Variants in EIF2S1 observed in about 807,000 individuals in gnomAD.
EIF2S1 encodes eukaryotic translation initiation factor 2 subunit alpha.
Under a neutral mutation model 33.5 loss-of-function variants are expected in EIF2S1, and 5 were observed. The observed-to-expected ratio is 0.15, with a 90% CI of 0.08 to 0.31. EIF2S1 has a LOEUF of 0.31. Among genes scored for constraint, EIF2S1 ranks in the 10% least tolerant of loss-of-function variants. The probability of loss-of-function intolerance (pLI) is 1.00; values close to 1 mark genes in which losing one functional copy is unlikely to be tolerated. For missense variants in EIF2S1, 191 were observed against 384.6 expected, an observed-to-expected ratio of 0.50 and a Z score of 4.21; for synonymous variants, 99 against 127.5, an observed-to-expected ratio of 0.78 and a Z score of 1.51.
intron 2 of EIF2S1, among the ~76,000 whole-genome samples, chr14:67,367,808 C>T (rs1294312453): frequency 6.6e-6 from 1 of 151,482 alleles, no homozygotes; most frequent in Non-Finnish European, 1.5e-5. Flanking sequence ...TGCACTCCAA[C>T]CTGGGTGATA....
chr14:67,377,118 G>A (rs1407279888), intron 4 of EIF2S1, among the ~76,000 whole-genome samples: 1 of 152,044 alleles, frequency 6.6e-6, no homozygotes, highest in Non-Finnish European at 1.5e-5. Context: ...TTTTCTCCCT[G>A]TCTTTTCGCC....
chr14:67,386,170 A>G lies in EIF2S1; in HGVS notation c.*2730A>G, dbSNP rs2085922707. 1 of 152,664 alleles carries G rather than the reference A, an allele frequency of 6.6e-6. No homozygotes were observed. The highest frequency in any genetic ancestry group is 2.1e-4 in the South Asian group (1 of 4,836). 9.5% of individuals were successfully genotyped at this position (152,664 alleles called of 1,614,324 possible). A position where few individuals can be genotyped will look rare whatever the true frequency, so the allele number is the denominator to read the frequency against. ...ATCGATATTCAAAAGGCAAAACAAA[A>G]AAACTAATTCCAGGGACATTAGACC... is the stretch of plus-strand genomic sequence containing the variant. On this transcript the variant is annotated 3_prime_UTR_variant, in exon 8 of 8. Transcript: ENST00000256383.
Position 67,376,600 on chromosome 14 carries a change from C to A in EIF2S1, c.473+10C>A, listed in dbSNP as rs1389310470. The stretch of plus-strand genomic sequence containing the variant: ...TTAAGCATGCAGTCTCGTAAGAATA[C>A]CTTCTTGACTCTCCTTCTACCTTGA... On this transcript the variant is annotated intron_variant, in intron 4 of 7. Transcript: ENST00000256383. The A allele has an allele frequency of 1.9e-6, 3 of 1,611,160 alleles. No individual in the cohort carries two copies. Among genetic ancestry groups the A allele is most frequent in the African/African-American group, 1.3e-5 (1 of 74,960 alleles).
Position 67,381,520 on chromosome 14 carries a change from C to T in EIF2S1, c.581-73C>T, listed in dbSNP as rs1474442676. The T allele has an allele frequency of 2.3e-5, 26 of 1,146,068 alleles. No homozygotes were observed. In the South Asian group the frequency reaches 2.7e-4, roughly 12 times the overall value. 71.0% of individuals were successfully genotyped at this position (1,146,068 alleles called of 1,614,324 possible). On this transcript the variant is annotated intron_variant, in intron 5 of 7. Transcript: ENST00000256383. ...TATTTGAATACTAATATATCTGCCACGTGTTTGATTTCCTTTAAACTTTTA... is the reference window on the plus strand; with the variant it reads ...TATTTGAATACTAATATATCTGCCATGTGTTTGATTTCCTTTAAACTTTTA...
At chr14:67,378,897 GTATCAA>G (rs2085871652) in intron 4 of EIF2S1, among the ~76,000 whole-genome samples, 1 of 152,166 alleles carries the variant, frequency 6.6e-6, no homozygotes, top group Admixed American at 6.5e-5. Flanking sequence ...CTGAAATTAT[GTATCAA>G]TATCATTTGT....
intron 1 of EIF2S1, among the ~76,000 whole-genome samples, chr14:67,361,657 A>C (rs1379417214): frequency 6.6e-6 from 1 of 152,244 alleles, no homozygotes; most frequent in African/African-American, 2.4e-5. Context: ...TTTGTCATGC[A>C]AAATAACTGA....
At chr14:67,375,729 A>G (rs2085854346) in intron 3 of EIF2S1, among the ~76,000 whole-genome samples, 1 of 152,170 alleles carries the variant, frequency 6.6e-6, no homozygotes, top group Non-Finnish European at 1.5e-5. Context: ...CTAGGACCTT[A>G]CCACTTAGAA....
intron 1 of EIF2S1, 29 bp from the exon 2 acceptor site, chr14:67,364,738 C>T (rs776114333): frequency 1.4e-5 from 22 of 1,586,982 alleles, no homozygotes; most frequent in Non-Finnish European, 1.6e-5. Flanking sequence ...TAACTGAATA[C>T]TTACTTAATT....
chr14:67,377,251 A>G (rs546345709), intron 4 of EIF2S1, among the ~76,000 whole-genome samples: 1 of 152,170 alleles, frequency 6.6e-6, no homozygotes, highest in Non-Finnish European at 1.5e-5. Flanking sequence ...CCTTGGATCA[A>G]TGTTCCTGCC....
chr14:67,386,255 A>G lies in EIF2S1; in HGVS notation c.*2815A>G, dbSNP rs1237729036. On this transcript the variant is annotated 3_prime_UTR_variant, in exon 8 of 8. Coordinates refer to ENST00000256383, the MANE Select transcript of EIF2S1 (RefSeq NM_004094.5). ...AAGGTAGTCTCTTACCATATAAGGA[A>G]TAAGTAAAACATTAGCTTGTGATTT... 2 of 152,672 alleles carry G rather than the reference A, an allele frequency of 1.3e-5. No homozygotes were observed. Among genetic ancestry groups the G allele is most frequent in the African/African-American group, 2.4e-5 (1 of 41,464 alleles). The allele number at this position is 152,672 out of a possible 1,614,324, so 9.5% of individuals were successfully genotyped here.
chr14:67,364,673 C>T (rs751882064), intron 1 of EIF2S1, 94 bp from the exon 2 acceptor site: 15 of 1,276,556 alleles, frequency 1.2e-5, no homozygotes, highest in African/African-American at 3.1e-5. Context: ...TTTTTTTCTT[C>T]ATCTTTTCTT....
At chr14:67,373,474 A>G (rs1040904283) in intron 2 of EIF2S1, among the ~76,000 whole-genome samples, 3 of 152,222 alleles carry the variant, frequency 2.0e-5, no homozygotes, top group Non-Finnish European at 2.9e-5. Context: ...AAGTCAGCAA[A>G]CAAGAACTAA....
intron 4 of EIF2S1, among the ~76,000 whole-genome samples, chr14:67,379,654 C>CTTTTTTTTTTTTTTTTTTTTTT (rs541791101): frequency 8.3e-6 from 1 of 119,956 alleles, no homozygotes; most frequent in Non-Finnish European, 1.6e-5. Context: ...TTTTCTTTTT[C>CTTTTTTTTTTTTTTTTTTTTTT]TTTTTTTTTT....
chr14:67,362,630 A>G (rs988757503), intron 1 of EIF2S1, among the ~76,000 whole-genome samples: 2 of 152,158 alleles, frequency 1.3e-5, no homozygotes, highest in Non-Finnish European at 2.9e-5. Context: ...CGAGTTTACT[A>G]TGTTAATTGC....
chr14:67,376,325 A>G, intron 3 of EIF2S1, 114 bp from the exon 4 acceptor site: 7 of 1,038,258 alleles, frequency 6.7e-6, no homozygotes, highest in Non-Finnish European at 9.5e-6. Context: ...CCCTATGGAG[A>G]TCTTTTATTG....
intron 7 of EIF2S1, among the ~76,000 whole-genome samples, chr14:67,382,992 G>GT (rs892529936): frequency 6.6e-5 from 10 of 152,126 alleles, no homozygotes; most frequent in Middle Eastern, 3.4e-3. Flanking sequence ...TGGAAGACAG[G>GT]TTTTTTTAAC....
chr14:67,374,612 A>G, intron 3 of EIF2S1, 65 bp downstream of exon 3: 1 of 1,040,496 alleles, frequency 9.6e-7, no homozygotes, highest in Non-Finnish European at 1.4e-6. Flanking sequence ...TTGAAATCTT[A>G]ATTTCATACT....
At position 67,367,848 on chromosome 14, in the gene EIF2S1, G is replaced by C. The variant is rs116329733; in HGVS notation, c.241+2840G>C. 1.3e-3 allele frequency among the ~76,000 whole-genome samples: 198 copies of C among 151,784 alleles called. 4 individuals are homozygous for C. The highest frequency in any genetic ancestry group is 4.0e-3 in the African/African-American group (165 of 41,430). ...CAGACCTTGTCTCAAAAAAAAAAAA[G>C]AGAGAGGTGAAGGAAGTTCTTTAAG... On this transcript the variant is annotated intron_variant, in intron 2 of 7. Coordinates refer to ENST00000256383, the MANE Select transcript of EIF2S1 (RefSeq NM_004094.5).
At chr14:67,366,477 A>T in intron 2 of EIF2S1, among the ~76,000 whole-genome samples, 1 of 152,262 alleles carries the variant, frequency 6.6e-6, no homozygotes, top group Admixed American at 6.5e-5. Flanking sequence ...TACAGTAGAT[A>T]CATGTAAAGA....
Sources: allele counts gnomAD v4.1 joint callset (sites outside exome capture counted in the v4.1 genomes callset), GRCh38; gene constraint gnomAD v4.1.1; transcripts MANE v1.5; gene names NCBI Gene and HGNC (gene_info 2026-07-23, HGNC 2026-07-21).